Variants in RIF1 observed in about 807,000 individuals in gnomAD.
The protein encoded by RIF1 is telomere-associated protein RIF1.
Under a neutral mutation model 247.1 loss-of-function variants are expected in RIF1, and 45 were observed. The observed-to-expected ratio is 0.18, with a 90% CI of 0.14 to 0.23. RIF1 has a LOEUF of 0.23. Ranked by LOEUF, RIF1 falls within the 10% of genes least tolerant of loss-of-function variation. The probability of loss-of-function intolerance (pLI) is 1.00; values close to 1 mark genes in which losing one functional copy is unlikely to be tolerated. For missense variants in RIF1, 2,967 were observed against 2,862.5 expected, an observed-to-expected ratio of 1.04 and a Z score of -0.83; for synonymous variants, 1,087 against 978.8, an observed-to-expected ratio of 1.11 and a Z score of -2.06.
At chr2:151,528,228 A>G in the RIF1 span, among the ~76,000 whole-genome samples, 2 of 152,336 alleles carry the variant, frequency 1.3e-5, no homozygotes, top group African/African-American at 4.8e-5. Context: ...TCTGAGCCAC[A>G]GAAGTGTATG....
At position 151,451,660 on chromosome 2, in the gene RIF1, A is replaced by G. The variant is rs755728796; in HGVS notation, c.2299A>G (p.Ile767Val). Reference sequence around the variant, plus strand: ...TATTATTACTGTAATGGTTGATTGCATTGACTTCTCACCATATAATATTAA... The same window carrying G: ...TATTATTACTGTAATGGTTGATTGCGTTGACTTCTCACCATATAATATTAA... ...IYIITVMVDC[I>V]DFSPYNIKYQ... Residue 767 changes from isoleucine to valine, a missense_variant, in exon 21 of 36, where the codon ATT becomes GTT. Ile to Val is a conservative substitution (Grantham distance 29). Transcript: ENST00000444746. 1 of 1,480,236 alleles carries G rather than the reference A, an allele frequency of 6.8e-7. No individual in the cohort carries two copies. The highest frequency in any genetic ancestry group is 1.1e-5 in the South Asian group (1 of 88,128). 91.7% of individuals were successfully genotyped at this position (1,480,236 alleles called of 1,614,324 possible).
chr2:151,442,048 T>TTTTTG (rs138147981), intron 16 of RIF1, 57 bp downstream of exon 16: 1 of 236,814 alleles, frequency 4.2e-6, no homozygotes, highest in African/African-American at 2.6e-5. Context: ...ATACTTCCCT[T>TTTTTG]TTTTATTTTA....
At chr2:151,482,822 C>T (rs989236392), downstream of RIF1, among the ~76,000 whole-genome samples, 14 of 152,098 alleles carry the variant, frequency 9.2e-5, no homozygotes, top group Non-Finnish European at 1.8e-4. Context: ...ATGGTATCAG[C>T]AGGGTTTGTT....
At chr2:151,507,052 A>G (rs2069613320) in intron 13 of RIF1, 2 of 1,252,282 alleles carry the variant, frequency 1.6e-6, no homozygotes, top group South Asian at 2.4e-5. Flanking sequence ...AGATTTCAAC[A>G]TTGCTTTGTT....
chr2:151,497,228 A>G (rs2060812864), intron 10 of RIF1: 2 of 793,752 alleles, frequency 2.5e-6, no homozygotes, highest in Non-Finnish European at 3.1e-6. Context: ...TGCACCCTCT[A>G]GAGAAGCAGG....
the RIF1 span, chr2:151,524,518 A>T: frequency 6.2e-7 from 1 of 1,613,824 alleles, no homozygotes; most frequent in South Asian, 1.1e-5. Flanking sequence ...CCCTTACCTC[A>T]CTGGCCTGTT....
downstream of RIF1, among the ~76,000 whole-genome samples, chr2:151,482,459 G>A (rs994864004): frequency 6.6e-6 from 1 of 152,084 alleles, no homozygotes; most frequent in Non-Finnish European, 1.5e-5. Context: ...CATTGAACTT[G>A]TTAGAAGAGA....
At chr2:151,453,431 G>A (rs1694664862) in intron 21 of RIF1, among the ~76,000 whole-genome samples, 2 of 152,014 alleles carry the variant, frequency 1.3e-5, no homozygotes, top group East Asian at 1.9e-4. Context: ...ACAAAAATTA[G>A]CAAGCCATGG....
At chr2:151,497,892 C>T (rs561626081) in intron 10 of RIF1, 2 of 1,487,056 alleles carry the variant, frequency 1.3e-6, no homozygotes, top group East Asian at 4.9e-5. Context: ...TCTGCACCCT[C>T]TAGAGAAGCA....
rs2049007140 is a variant in RIF1 at position 151,477,884 on chromosome 2, A to AT, written c.*2818dup. 6.6e-6 allele frequency: 1 copy of AT among 151,610 alleles called. No homozygotes were observed. Among genetic ancestry groups the AT allele is most frequent in the Non-Finnish European group, 1.5e-5 (1 of 68,010 alleles). 9.4% of individuals were successfully genotyped at this position (151,610 alleles called of 1,614,324 possible). On this transcript the variant is annotated 3_prime_UTR_variant, in exon 36 of 36. Coordinates refer to ENST00000444746, the MANE Select transcript of RIF1 (RefSeq NM_018151.5). ...GCCACCACCACTGGTTAATTTTTGT[A>AT]TTTTTAGTAGATACGGGGTTTCACC...
chr2:151,469,886 A>G lies in RIF1; in HGVS notation c.7095+22A>G, dbSNP rs562608388. On this transcript the variant is annotated intron_variant, in intron 34 of 35. Coordinates refer to ENST00000444746, the MANE Select transcript of RIF1 (RefSeq NM_018151.5). ...GCAGGTAAAAACTTAGATATTAGCT[A>G]TGATGTATATTAATAAATGATGTAG... 2.6e-6 allele frequency: 4 copies of G among 1,542,860 alleles called. No homozygotes were observed. In the Admixed American group the frequency reaches 7.6e-5, roughly 29 times the overall value.
chr2:151,503,972 T>C (rs985304385), intron 12 of RIF1, among the ~76,000 whole-genome samples: 2 of 152,154 alleles, frequency 1.3e-5, no homozygotes, highest in African/African-American at 4.8e-5. Flanking sequence ...AGGAAGAGCA[T>C]CTTTACCTGA....
intron 6 of RIF1, among the ~76,000 whole-genome samples, chr2:151,417,659 A>G (rs1237207391): frequency 1.3e-5 from 2 of 152,298 alleles, no homozygotes; most frequent in East Asian, 3.9e-4. Flanking sequence ...CTTAGCACTT[A>G]CATTGTATTA....
At chr2:151,509,659 C>T (rs888217542), downstream of RIF1, among the ~76,000 whole-genome samples, 2 of 151,842 alleles carry the variant, frequency 1.3e-5, no homozygotes, top group South Asian at 4.2e-4. Flanking sequence ...GGCGGAGTTT[C>T]GCAGTGTCTC....
At chr2:151,524,684 T>TTTTTTTTTG in the RIF1 span, 1 of 1,038,266 alleles carries the variant, frequency 9.6e-7, no homozygotes, top group Non-Finnish European at 1.4e-6. Flanking sequence ...TTTTTTTTTT[T>TTTTTTTTTG]GAGATGGAAT....
At chr2:151,513,681 G>A in the RIF1 span, 2 of 1,599,508 alleles carry the variant, frequency 1.3e-6, no homozygotes, top group Non-Finnish European at 1.7e-6. Flanking sequence ...TCCAGGTCTC[G>A]CTTATATTCT....
At chr2:151,454,310 TTATC>T in intron 21 of RIF1, among the ~76,000 whole-genome samples, 1 of 152,276 alleles carries the variant, frequency 6.6e-6, no homozygotes, top group Admixed American at 6.5e-5. Context: ...TACAGAGGGA[TTATC>T]TAAGGGTACA....
chr2:151,460,207 A>G, intron 26 of RIF1, 88 bp downstream of exon 26: 1 of 1,053,738 alleles, frequency 9.5e-7, no homozygotes, highest in Non-Finnish European at 1.3e-6. Context: ...AAAGAACTAT[A>G]AAAGACTAAA....
intron 20 of RIF1, among the ~76,000 whole-genome samples, chr2:151,449,441 TTTTC>T (rs1187453202): frequency 6.6e-6 from 1 of 151,802 alleles, no homozygotes; most frequent in African/African-American, 2.4e-5. Context: ...CTTTCTCTCT[TTTTC>T]TTTCTTTTCT....
Sources: allele counts gnomAD v4.1 joint callset (sites outside exome capture counted in the v4.1 genomes callset), GRCh38; gene constraint gnomAD v4.1.1; transcripts MANE v1.5; gene names NCBI Gene and HGNC (gene_info 2026-07-23, HGNC 2026-07-21).